The following SHANK2 variants were observed in gnomAD, a reference collection of about 807,000 sequenced individuals.
SHANK2 encodes SH3 and multiple ankyrin repeat domains 2.
Under a neutral mutation model 133.7 loss-of-function variants are expected in SHANK2, and 43 were observed. The observed-to-expected ratio is 0.32, with a 90% CI of 0.25 to 0.41. The LOEUF is 0.41. Ranked by LOEUF, SHANK2 falls within the 10% of genes least tolerant of loss-of-function variation. SHANK2 has a pLI of 1.00. For synonymous variants in SHANK2, 1,017 were observed against 952.8 expected (o/e 1.07, Z -1.24); for missense variants, 1,994 against 2,235.8 (o/e 0.89, Z 2.18).
At chr11:70,488,834 C>A (rs888283047) in intron 24 of SHANK2, among the ~76,000 whole-genome samples, 13 of 152,212 alleles carry the variant, frequency 8.5e-5, no homozygotes, top group African/African-American at 3.1e-4. Context: ...TGTGGGGATG[C>A]AGCTGAGGTC....
At chr11:70,686,501 A>G (rs1555019675) in intron 15 of SHANK2, among the ~76,000 whole-genome samples, 2 of 151,776 alleles carry the variant, frequency 1.3e-5, no homozygotes, top group Non-Finnish European at 2.9e-5. Flanking sequence ...GCCATCCATC[A>G]TCTGTCTATC....
chr11:70,774,676 A>AC (rs1555043543), intron 14 of SHANK2, among the ~76,000 whole-genome samples: 4 of 152,152 alleles, frequency 2.6e-5, no homozygotes, highest in African/African-American at 4.8e-5. Context: ...CTGAGATTAG[A>AC]GAGTGGTGAT....
chr11:71,099,030 G>T (rs1389949945), intron 6 of SHANK2, among the ~76,000 whole-genome samples: 2 of 152,100 alleles, frequency 1.3e-5, no homozygotes, highest in African/African-American at 2.4e-5. Context: ...GATGAGAAAG[G>T]CTCTGTGCTC....
intron 11 of SHANK2, among the ~76,000 whole-genome samples, chr11:70,842,923 C>T (rs952485191): frequency 3.3e-5 from 5 of 152,136 alleles, no homozygotes; most frequent in Non-Finnish European, 7.4e-5. Flanking sequence ...CTCAGGGGGC[C>T]GGGCTGGGCG....
At chr11:70,783,608 T>C (rs550796571) in intron 14 of SHANK2, among the ~76,000 whole-genome samples, 3 of 151,482 alleles carry the variant, frequency 2.0e-5, no homozygotes, top group African/African-American at 7.3e-5. Flanking sequence ...GGACTAGTAA[T>C]AAAATCAGGA....
At chr11:71,071,610 G>A (rs1461915814) in intron 9 of SHANK2, among the ~76,000 whole-genome samples, 1 of 152,246 alleles carries the variant, frequency 6.6e-6, no homozygotes, top group Non-Finnish European at 1.5e-5. Flanking sequence ...TCAGCAGAAG[G>A]CTTGACTGAG....
In SHANK2 at chr11:71,147,163, T is replaced by A; in HGVS notation, c.164A>T (p.Asn55Ile). The change falls in exon 3 of 26, where the codon AAC becomes ATC. Residue 55 changes from asparagine to isoleucine, a missense_variant. By Grantham distance (149) the Asn-to-Ile change is moderately radical. Transcript: ENST00000601538. Reference sequence around the variant, plus strand: ...GATGACCACGCGGATCACCAGCGTGTTGCCCTGGCTCTCCTCCGTCCTGGC... The same window carrying A: ...GATGACCACGCGGATCACCAGCGTGATGCCCTGGCTCTCCTCCGTCCTGGC... The part of the protein sequence containing the change: ...GGARTEESQG[N>I]TLVIRVVIHD... 3.9e-6 allele frequency: 6 copies of A among 1,550,376 alleles called. No homozygotes were observed. The highest frequency in any genetic ancestry group is 5.2e-6 in the Non-Finnish European group (6 of 1,146,934).
chr11:70,667,328 C>T (rs1944696630), intron 15 of SHANK2, among the ~76,000 whole-genome samples: 1 of 152,188 alleles, frequency 6.6e-6, no homozygotes, highest in Non-Finnish European at 1.5e-5. Context: ...CCTGTTTCTG[C>T]TCACCCACGG....
chr11:70,632,416 C>T (rs554122656), intron 17 of SHANK2, among the ~76,000 whole-genome samples: 44 of 152,242 alleles, frequency 2.9e-4, no homozygotes, highest in Admixed American at 2.8e-3. Context: ...GCTATCCACG[C>T]TCCCTGCTCC....
intron 14 of SHANK2, among the ~76,000 whole-genome samples, chr11:70,792,318 A>G (rs782164554): frequency 2.6e-5 from 4 of 150,958 alleles, no homozygotes; most frequent in African/African-American, 7.3e-5. Context: ...CAACCAACCA[A>G]CCAACCAACC....
At chr11:70,653,912 G>T (rs984197173) in intron 17 of SHANK2, among the ~76,000 whole-genome samples, 1 of 152,210 alleles carries the variant, frequency 6.6e-6, no homozygotes, top group East Asian at 1.9e-4. Context: ...GGAATTACAG[G>T]CATAAGCCAC....
intron 14 of SHANK2, among the ~76,000 whole-genome samples, chr11:70,794,498 G>C (rs1245401334): frequency 6.6e-6 from 1 of 152,166 alleles, no homozygotes; most frequent in African/African-American, 2.4e-5. Context: ...GATGGGGAGG[G>C]ATGGCTGGAA....
intron 2 of SHANK2, among the ~76,000 whole-genome samples, chr11:71,209,046 C>A (rs1591022007): frequency 6.6e-6 from 1 of 152,198 alleles, no homozygotes; most frequent in East Asian, 1.9e-4. Context: ...AAGGTCAGAG[C>A]AGAATAAAGC....
chr11:71,086,328 A>G, intron 8 of SHANK2, among the ~76,000 whole-genome samples: 1 of 120,810 alleles, frequency 8.3e-6, no homozygotes, highest in African/African-American at 3.4e-5. Context: ...ATGTTATATT[A>G]TATATGTTAT....
At chr11:71,126,957 G>T (rs540958173) in intron 3 of SHANK2, among the ~76,000 whole-genome samples, 1 of 151,928 alleles carries the variant, frequency 6.6e-6, no homozygotes, top group African/African-American at 2.4e-5. Context: ...TGCCCACCTC[G>T]GCCTCCCAAA....
At chr11:71,077,497 T>A (rs1951237140) in intron 8 of SHANK2, among the ~76,000 whole-genome samples, 1 of 152,058 alleles carries the variant, frequency 6.6e-6, no homozygotes, top group Admixed American at 6.6e-5. Flanking sequence ...TTTCCACTTT[T>A]CCCACATCCA....
intron 15 of SHANK2, among the ~76,000 whole-genome samples, chr11:70,683,855 C>T (rs1945086206): frequency 6.6e-6 from 1 of 151,750 alleles, no homozygotes; most frequent in Admixed American, 6.6e-5. Context: ...GTGATCTTGG[C>T]TCACTGCAAA....
intron 2 of SHANK2, among the ~76,000 whole-genome samples, chr11:71,185,497 C>T (rs1555114359): frequency 6.6e-6 from 1 of 152,188 alleles, no homozygotes; most frequent in African/African-American, 2.4e-5. Context: ...AAGGTTCCAC[C>T]CTGACCATTC....
intron 6 of SHANK2, among the ~76,000 whole-genome samples, chr11:71,098,549 T>A (rs971690914): frequency 6.6e-6 from 1 of 152,072 alleles, no homozygotes; most frequent in Non-Finnish European, 1.5e-5. Context: ...ACAGAACATA[T>A]CACAGGTGTA....
Sources: allele counts gnomAD v4.1 joint callset (sites outside exome capture counted in the v4.1 genomes callset), GRCh38; gene constraint gnomAD v4.1.1; transcripts MANE v1.5; gene names NCBI Gene and HGNC (gene_info 2026-07-23, HGNC 2026-07-21).